The following SLC8A1 variants were observed in gnomAD, a reference collection of about 807,000 sequenced individuals.
SLC8A1 encodes the protein solute carrier family 8 member A1.
A neutral mutation model predicts 68.3 loss-of-function variants in SLC8A1; 18 were observed. The ratio of observed to expected loss-of-function variants is 0.26; its 90% CI spans 0.18 to 0.39. The LOEUF (loss-of-function observed/expected upper bound fraction) is 0.39, where lower values mean the gene tolerates loss of function less well. Among genes scored for constraint, SLC8A1 ranks in the 10% least tolerant of loss-of-function variants. SLC8A1 has a pLI of 1.00. For synonymous variants in SLC8A1, 475 were observed against 415.5 expected, an observed-to-expected ratio of 1.14 and a Z score of -1.74; for missense variants, 985 against 1,156.7, an observed-to-expected ratio of 0.85 and a Z score of 2.15.
chr2:40,158,437 C>T (rs886328991), intron 6 of SLC8A1, among the ~76,000 whole-genome samples: 9 of 152,178 alleles, frequency 5.9e-5, no homozygotes, highest in African/African-American at 2.2e-4. Flanking sequence ...ATTTACCCAG[C>T]AGCCTGCGAA....
At chr2:40,501,632 C>T (rs892704989) in intron 1 of SLC8A1, among the ~76,000 whole-genome samples, 1 of 152,036 alleles carries the variant, frequency 6.6e-6, no homozygotes, top group African/African-American at 2.4e-5. Flanking sequence ...TTCTCCTGGT[C>T]GGATAGGGAA....
At chr2:40,270,029 G>T (rs1217086333) in intron 2 of SLC8A1, among the ~76,000 whole-genome samples, 1 of 152,022 alleles carries the variant, frequency 6.6e-6, no homozygotes, top group African/African-American at 2.4e-5. Flanking sequence ...GTCTAGAGTG[G>T]GCAACTGTAC....
intron 2 of SLC8A1, among the ~76,000 whole-genome samples, chr2:40,393,600 C>T (rs1026894438): frequency 5.9e-5 from 9 of 152,072 alleles, no homozygotes; most frequent in Non-Finnish European, 1.0e-4. Context: ...AACATTGTTT[C>T]CAATTCCATA....
Position 40,429,552 on chromosome 2 carries a change from G to T in SLC8A1, c.729C>A (p.Pro243=), listed in dbSNP as rs368677402. Reference sequence around the variant, plus strand: ...CTACCCAAGCGAACACAACACAGATGGGAAAGAAGAAGAAAGTAAGCAAAC... The same window carrying T: ...CTACCCAAGCGAACACAACACAGATTGGAAAGAAGAAGAAAGTAAGCAAAC... The change falls in exon 2 of 8, where the codon CCC becomes CCA. Residue 243 remains proline (P), a synonymous_variant. Coordinates refer to ENST00000406785, the Ensembl canonical transcript of SLC8A1. 4.8e-5 allele frequency: 77 copies of T among 1,613,512 alleles called. No homozygotes were observed. Among genetic ancestry groups the T allele is most frequent in the Non-Finnish European group, 6.4e-5 (75 of 1,179,892 alleles).
intron 2 of SLC8A1, among the ~76,000 whole-genome samples, chr2:40,206,951 A>G (rs926969968): frequency 1.3e-5 from 2 of 152,084 alleles, no homozygotes; most frequent in Non-Finnish European, 2.9e-5. Context: ...ATGATTCTGA[A>G]TACAGAAAAG....
intron 1 of SLC8A1, among the ~76,000 whole-genome samples, chr2:40,488,621 GAGAAAA>G (rs1705120763): frequency 6.6e-6 from 1 of 152,010 alleles, no homozygotes; most frequent in Non-Finnish European, 1.5e-5. Context: ...GAGTTGGGGG[GAGAAAA>G]AGAAAAACAG....
chr2:40,121,730 C>G lies in SLC8A1; in HGVS notation c.2438-6101G>C, dbSNP rs547964229. On this transcript the variant is annotated intron_variant, in intron 7 of 7. Transcript: ENST00000406785. Reference sequence around the variant, plus strand: ...ATTATTAGCTATTTTTATAATACAACAGAGCCAGATCCCCAGAGAATCCAT... The same window carrying G: ...ATTATTAGCTATTTTTATAATACAAGAGAGCCAGATCCCCAGAGAATCCAT... Among the ~76,000 whole-genome samples the G allele has an allele frequency of 3.9e-5, 6 of 152,268 alleles. No homozygotes were observed. In the East Asian group the frequency reaches 7.7e-4, roughly 20 times the overall value.
chr2:40,403,588 A>C (rs1419055985), intron 2 of SLC8A1, among the ~76,000 whole-genome samples: 1 of 152,194 alleles, frequency 6.6e-6, no homozygotes, highest in Non-Finnish European at 1.5e-5. Context: ...GGACCATCTG[A>C]CTCATTAAAT....
At chr2:40,165,029 AT>A in intron 4 of SLC8A1, 45 bp from the exon 8 acceptor site, 1 of 1,610,176 alleles carries the variant, frequency 6.2e-7, no homozygotes, top group Non-Finnish European at 8.5e-7. Flanking sequence ...GTTCTGTTTA[AT>A]TTGGAAATCC....
At chr2:40,511,501 T>C (rs1706723517) in intron 1 of SLC8A1, among the ~76,000 whole-genome samples, 1 of 152,142 alleles carries the variant, frequency 6.6e-6, no homozygotes. Context: ...TTCTAGAAAA[T>C]ACAGGACAGT....
At chr2:40,316,097 A>G (rs1044814101) in intron 2 of SLC8A1, among the ~76,000 whole-genome samples, 8 of 152,228 alleles carry the variant, frequency 5.3e-5, no homozygotes, top group Admixed American at 1.3e-4. Flanking sequence ...TCGACAAGAC[A>G]ACCTCTGTGG....
At chr2:40,404,011 C>G (rs903566175) in intron 2 of SLC8A1, among the ~76,000 whole-genome samples, 2 of 152,152 alleles carry the variant, frequency 1.3e-5, no homozygotes, top group African/African-American at 4.8e-5. Flanking sequence ...ACACTGGTAT[C>G]TAATAGAGAA....
At chr2:40,205,630 C>G (rs567311134) in intron 2 of SLC8A1, among the ~76,000 whole-genome samples, 7 of 152,024 alleles carry the variant, frequency 4.6e-5, no homozygotes, top group Admixed American at 4.6e-4. Context: ...GGGAACAACA[C>G]ACACTGGGGC....
At chr2:40,337,189 A>G (rs752342861) in intron 2 of SLC8A1, 29 of 221,948 alleles carry the variant, frequency 1.3e-4, no homozygotes, top group Non-Finnish European at 2.5e-4. Context: ...AATGTCAAAC[A>G]CATTTTTTAA....
chr2:40,395,456 C>T (rs1686619084), intron 2 of SLC8A1, among the ~76,000 whole-genome samples: 2 of 152,094 alleles, frequency 1.3e-5, no homozygotes, highest in African/African-American at 4.8e-5. Context: ...TCAGGACCAC[C>T]AGATTCTTCC....
chr2:40,354,241 G>C (rs888370115), intron 2 of SLC8A1, among the ~76,000 whole-genome samples: 1 of 152,150 alleles, frequency 6.6e-6, no homozygotes, highest in Non-Finnish European at 1.5e-5. Flanking sequence ...TCTCATGAAA[G>C]AGAAATTGTT....
chr2:40,210,054 T>C (rs1286904761), intron 2 of SLC8A1: 1 of 152,214 alleles, frequency 6.6e-6, no homozygotes, highest in African/African-American at 2.4e-5. Flanking sequence ...CTAGTTCTAA[T>C]CTAATCTAAT....
intron 1 of SLC8A1, among the ~76,000 whole-genome samples, chr2:40,434,621 T>C (rs1576463501): frequency 6.6e-6 from 1 of 152,188 alleles, no homozygotes; most frequent in African/African-American, 2.4e-5. Flanking sequence ...ATACAAAGTA[T>C]AGGCTGATTT....
intron 6 of SLC8A1, among the ~76,000 whole-genome samples, chr2:40,159,046 T>A (rs1192690766): frequency 6.6e-6 from 1 of 152,174 alleles, no homozygotes; most frequent in African/African-American, 2.4e-5. Context: ...TAAAACTATG[T>A]GAATGAACCA....
Sources: gnomAD v4.1 joint callset for allele counts (sites outside exome capture counted in the v4.1 genomes callset) on GRCh38, gnomAD v4.1.1 for gene constraint, MANE v1.5 for transcripts, NCBI Gene and HGNC (gene_info 2026-07-23, HGNC 2026-07-21) for gene names.